The following SMC6 variants were observed in gnomAD, a reference collection of about 807,000 sequenced individuals.
SMC6 encodes structural maintenance of chromosomes protein 6.
In SMC6, 79 loss-of-function variants were observed where a neutral mutation model predicts 142.2. The ratio of observed to expected loss-of-function variants is 0.56; its 90% CI spans 0.46 to 0.67. SMC6 has a LOEUF of 0.67. Ranked by LOEUF, SMC6 falls within the 30% of genes least tolerant of loss-of-function variation. SMC6 has a pLI of 0.00. For missense variants in SMC6, 1,072 were observed against 1,284.0 expected (o/e 0.83, Z 2.52); for synonymous variants, 411 against 412.4 (o/e 1.00, Z 0.04).
chr2:17,738,874 C>T (rs1453251964), intron 4 of SMC6, among the ~76,000 whole-genome samples: 1 of 152,078 alleles, frequency 6.6e-6, no homozygotes, highest in African/African-American at 2.4e-5. Context: ...TCTCAAATTC[C>T]TGGTTCTCAA....
At chr2:17,740,863 A>T (rs534815013) in intron 4 of SMC6, 4 of 211,910 alleles carry the variant, frequency 1.9e-5, no homozygotes, top group African/African-American at 3.1e-5. Flanking sequence ...AAAACAAAAA[A>T]CAAAAAAACA....
chr2:17,707,807 T>G (rs1668622910), intron 17 of SMC6, among the ~76,000 whole-genome samples: 2 of 152,042 alleles, frequency 1.3e-5, no homozygotes, highest in African/African-American at 4.8e-5. Flanking sequence ...TACTGAAATA[T>G]GTAGGGAAAG....
intron 18 of SMC6, among the ~76,000 whole-genome samples, chr2:17,703,520 T>C (rs984266243): frequency 2.6e-5 from 4 of 152,142 alleles, no homozygotes; most frequent in Non-Finnish European, 5.9e-5. Flanking sequence ...CCTTAACAAG[T>C]AGAGTTGACT....
chr2:17,725,931 T>TA (rs1558366228), intron 8 of SMC6, among the ~76,000 whole-genome samples: 1 of 151,416 alleles, frequency 6.6e-6, no homozygotes, highest in African/African-American at 2.4e-5. Context: ...CTACTAAAAA[T>TA]ACAAAAATTA....
rs1222504016 is a variant in SMC6, at chr2:17,714,795, T to C, written c.1730+66A>G. 2.7e-6 allele frequency: 4 copies of C among 1,484,748 alleles called. No individual in the cohort carries two copies. In the Admixed American group the frequency reaches 5.9e-5, roughly 22 times the overall value. The allele number at this position is 1,484,748 out of a possible 1,614,324, so 92.0% of individuals were successfully genotyped here. On this transcript the variant is annotated intron_variant, in intron 16 of 27. Transcript: ENST00000448223. ...GATATGATTAACATTAAAAGTGTTT[T>C]AACTCTTTCCAATCTTGCATATGAT...
At position 17,717,999 on chromosome 2, in the gene SMC6, T is replaced by C. The variant is rs560671047; in HGVS notation, c.1092+78A>G. On this transcript the variant is annotated intron_variant, in intron 12 of 27. Coordinates refer to ENST00000448223, the MANE Select transcript of SMC6 (RefSeq NM_001142286.2). ...AGACTATTTCAAAAAAAATAAAATATAATAAAAAAGGATAGAAGAACAGCC... is the reference window on the plus strand; with the variant it reads ...AGACTATTTCAAAAAAAATAAAATACAATAAAAAAGGATAGAAGAACAGCC... 294 of 1,397,302 alleles carry C rather than the reference T, an allele frequency of 2.1e-4. 1 individual carries two copies. In the South Asian group the frequency reaches 4.2e-3, roughly 20 times the overall value. 86.6% of individuals were successfully genotyped at this position (1,397,302 alleles called of 1,614,324 possible). A position where few individuals can be genotyped will look rare whatever the true frequency, so the allele number is the denominator to read the frequency against.
chr2:17,689,403 GTT>G (rs1284053254), intron 23 of SMC6, among the ~76,000 whole-genome samples: 1 of 152,138 alleles, frequency 6.6e-6, no homozygotes, highest in Non-Finnish European at 1.5e-5. Context: ...TCAATGTTAA[GTT>G]TCCTGTACTT....
chr2:17,716,641 A>G (rs1167226523), intron 14 of SMC6, 100 bp downstream of exon 14: 2 of 1,191,334 alleles, frequency 1.7e-6, no homozygotes, highest in African/African-American at 3.1e-5. Context: ...ATCCCTTATT[A>G]TGTAGAAGAA....
chr2:17,750,525 T>A (rs1670971604), intron 2 of SMC6, among the ~76,000 whole-genome samples: 2 of 152,228 alleles, frequency 1.3e-5, no homozygotes, highest in South Asian at 4.1e-4. Flanking sequence ...CAAAGGCTTC[T>A]ATAGCTCTAA....
At chr2:17,685,116 A>G (rs188041225) in intron 23 of SMC6, among the ~76,000 whole-genome samples, 61 of 132,412 alleles carry the variant, frequency 4.6e-4, no homozygotes, top group Admixed American at 9.3e-4. Flanking sequence ...AAATGAGAAA[A>G]TCAAGCAAAA....
intron 4 of SMC6, chr2:17,740,848 T>TA: frequency 9.4e-6 from 2 of 212,738 alleles, no homozygotes; most frequent in Non-Finnish European, 1.9e-5. Context: ...AGACTCTGTC[T>TA]CAAAAAAACA....
At chr2:17,696,970 G>A (rs1413934763) in intron 21 of SMC6, among the ~76,000 whole-genome samples, 1 of 152,028 alleles carries the variant, frequency 6.6e-6, no homozygotes, top group East Asian at 1.9e-4. Context: ...AATAAAACAA[G>A]AGGTATGGCT....
intron 5 of SMC6, among the ~76,000 whole-genome samples, 164 bp from the exon 6 acceptor site, chr2:17,732,041 C>T (rs939512977): frequency 5.9e-5 from 9 of 152,160 alleles, no homozygotes; most frequent in Admixed American, 6.5e-5. Context: ...TACAGCATAA[C>T]GTTAACGATA....
intron 23 of SMC6, among the ~76,000 whole-genome samples, chr2:17,692,220 G>A (rs6716673): frequency 0.066 from 10,045 of 152,128 alleles, 754 homozygotes; most frequent in African/African-American, 0.19. Context: ...AAGTTCATAT[G>A]GAACCAAAAA....
chr2:17,739,831 CACACACACACACAG>C (rs1245224434), intron 4 of SMC6, among the ~76,000 whole-genome samples: 2 of 116,882 alleles, frequency 1.7e-5, no homozygotes, highest in African/African-American at 4.0e-5. Context: ...AACACACACA[CACACACACACACAG>C]ACACACACAC....
rs1666459544 is a variant in SMC6, at chr2:17,665,604, T to C, written c.3171A>G (p.Pro1057=). 6.2e-7 allele frequency: 1 copy of C among 1,603,090 alleles called. No individual in the cohort carries two copies. The highest frequency in any genetic ancestry group is 1.1e-5 in the South Asian group (1 of 89,550). ...GGAGAATTCTTATCAGTTTACTGGATGGAAGTGAACTAGAAGAAGCAAAAT... is the reference window on the plus strand; with the variant it reads ...GGAGAATTCTTATCAGTTTACTGGACGGAAGTGAACTAGAAGAAGCAAAAT... The part of the protein sequence containing the change: ...LLTPQSMSSL[P]SSKLIRILRM... The change falls in exon 28 of 28, where the codon CCA becomes CCG. Residue 1057 remains proline (P), a synonymous_variant. Transcript: ENST00000448223.
chr2:17,725,340 G>C lies in SMC6; in HGVS notation c.643C>G (p.Gln215Glu), dbSNP rs370871668. 1.2e-6 allele frequency: 2 copies of C among 1,600,052 alleles called. No homozygotes were observed. The highest frequency in any genetic ancestry group is 1.7e-6 in the Non-Finnish European group (2 of 1,176,464). ...DKYKFFMKATQLEQMKEDYSY... is the reference protein window; with the variant it reads ...DKYKFFMKATELEQMKEDYSY... ...TAATCTTCCTTCATCTGTTCAAGTT[G>C]CGTTGCTTTCATGAAGAACTATTAT... The change falls in exon 9 of 28, where the codon CAA becomes GAA. Residue 215 changes from glutamine to glutamate, a missense_variant. Physicochemically the swap from Gln to Glu is conservative, Grantham distance 29. Coordinates refer to ENST00000448223, the MANE Select transcript of SMC6 (RefSeq NM_001142286.2).
chr2:17,716,661 T>C, intron 14 of SMC6, 80 bp downstream of exon 14: 6 of 1,340,020 alleles, frequency 4.5e-6, no homozygotes, highest in Non-Finnish European at 5.1e-6. Flanking sequence ...AACAACCATA[T>C]TTGCTCTCTT....
At chr2:17,700,591 G>C (rs1668219578) in intron 20 of SMC6, among the ~76,000 whole-genome samples, 1 of 152,072 alleles carries the variant, frequency 6.6e-6, no homozygotes. Flanking sequence ...TGATATTTAG[G>C]AGACAATATT....
Sources: allele counts gnomAD v4.1 joint callset (sites outside exome capture counted in the v4.1 genomes callset), GRCh38; gene constraint gnomAD v4.1.1; transcripts MANE v1.5; gene names NCBI Gene and HGNC (gene_info 2026-07-23, HGNC 2026-07-21).